The following HMCN2 variants were observed in gnomAD, a reference collection of about 807,000 sequenced individuals.
HMCN2 encodes the protein hemicentin 2.
A neutral mutation model predicts 377.5 loss-of-function variants in HMCN2; 325 were observed. The observed-to-expected ratio is 0.86, with a 90% CI of 0.79 to 0.94. The LOEUF (loss-of-function observed/expected upper bound fraction) is 0.94, where lower values mean the gene tolerates loss of function less well. Among genes scored for constraint, HMCN2 ranks in the 40% least tolerant of loss-of-function variants. The pLI is 0.00. For synonymous variants in HMCN2, 2,007 were observed against 2,046.8 expected, an observed-to-expected ratio of 0.98 and a Z score of 0.53; for missense variants, 4,543 against 4,725.3, an observed-to-expected ratio of 0.96 and a Z score of 1.13.
intron 1 of HMCN2, among the ~76,000 whole-genome samples, chr9:130,267,644 G>A (rs543225910): frequency 3.3e-5 from 5 of 152,368 alleles, no homozygotes; most frequent in Admixed American, 1.3e-4. Context: ...GGAAGACATA[G>A]TTCTACGTAG....
chr9:130,395,128 T>TGGGG lies in HMCN2; in HGVS notation c.10774+22_10774+25dup. 1 of 77,692 alleles carries TGGGG rather than the reference T, an allele frequency of 1.3e-5. No individual in the cohort carries two copies. Among genetic ancestry groups the TGGGG allele is most frequent in the Admixed American group, 3.3e-4 (1 of 3,056 alleles). The allele number at this position is 77,692 out of a possible 1,614,324, so 4.8% of individuals were successfully genotyped here. A position where few individuals can be genotyped will look rare whatever the true frequency, so the allele number is the denominator to read the frequency against. Reference sequence around the variant, plus strand: ...TTCAAGGTAGGTGGTGGGGGTGGGGTGGGGGCAGGGCCGGGAGGCAGGACG... The same window carrying TGGGG: ...TTCAAGGTAGGTGGTGGGGGTGGGGTGGGGGGGGGCAGGGCCGGGAGGCAGGACG... On this transcript the variant is annotated intron_variant, in intron 70 of 97. Coordinates refer to ENST00000683500, the MANE Select transcript of HMCN2 (RefSeq NM_001291815.2).
At chr9:130,339,611 C>T (rs1838944037) in intron 23 of HMCN2, among the ~76,000 whole-genome samples, 1 of 152,228 alleles carries the variant, frequency 6.6e-6, no homozygotes, top group African/African-American at 2.4e-5. Flanking sequence ...GCTTTGCTTT[C>T]CTCCTCTATA....
Position 130,358,447 on chromosome 9 carries a change from G to A in HMCN2, c.5638G>A (p.Ala1880Thr). The change falls in exon 36 of 98, where the codon GCT becomes ACT. Residue 1880 changes from alanine to threonine, a missense_variant. This residue lies in a region of HMCN2 where 1,032 missense variants were observed against 1,285.1 expected (regional missense o/e 0.80). Coordinates refer to ENST00000683500, the MANE Select transcript of HMCN2 (RefSeq NM_001291815.2). ...GIYTCAATNL[A>T]GESKREVALK... ...CTACACTTGTGCTGCTACCAACCTG[G>A]CTGGGGAGAGCAAGAGGGAAGTGGC... 7.7e-7 allele frequency: 1 copy of A among 1,304,372 alleles called. No individual in the cohort carries two copies. Among genetic ancestry groups the A allele is most frequent in the Non-Finnish European group, 1.0e-6 (1 of 988,960 alleles). 80.8% of individuals were successfully genotyped at this position (1,304,372 alleles called of 1,614,324 possible).
intron 15 of HMCN2, among the ~76,000 whole-genome samples, chr9:130,316,105 A>C (rs1044191317): frequency 6.6e-6 from 1 of 152,192 alleles, no homozygotes; most frequent in Non-Finnish European, 1.5e-5. Flanking sequence ...GGCAGCGTGA[A>C]AGGCAGGGAG....
intron 71 of HMCN2, 91 bp downstream of exon 71, chr9:130,395,438 C>T (rs1452391865): frequency 1.8e-6 from 2 of 1,124,156 alleles, no homozygotes; most frequent in Non-Finnish European, 2.3e-6. Flanking sequence ...AGAGCGGGTG[C>T]CAAGGGCCCG....
rs1366272987 is a variant in HMCN2, at chr9:130,348,665, A to G, written c.4145A>G (p.Asp1382Gly). 4 of 1,206,784 alleles carry G rather than the reference A, an allele frequency of 3.3e-6. No individual in the cohort carries two copies. Among genetic ancestry groups the G allele is most frequent in the Non-Finnish European group, 4.4e-6 (4 of 905,804 alleles). 74.8% of individuals were successfully genotyped at this position (1,206,784 alleles called of 1,614,324 possible). A position where few individuals can be genotyped will look rare whatever the true frequency, so the allele number is the denominator to read the frequency against. Residue 1382 changes from aspartate to glycine, a missense_variant, in exon 27 of 98, where the codon GAC becomes GGC. This residue lies in a region of HMCN2 where 1,032 missense variants were observed against 1,285.1 expected (regional missense o/e 0.80). Coordinates refer to ENST00000683500, the MANE Select transcript of HMCN2 (RefSeq NM_001291815.2). The stretch of plus-strand genomic sequence containing the variant: ...GTCCCTGAGATCGTGTGGCTGAAGG[A>G]CGCGCAGCTGGTGGGTGTCCCCCTA... ...FPVPEIVWLK[D>G]AQLIPKVGGH... is the part of the protein sequence containing the mutation.
Position 130,349,888 on chromosome 9 carries a change from CTT to C in HMCN2, c.4430+250_4430+251del, listed in dbSNP as rs760662723. 4.4e-3 allele frequency among the ~76,000 whole-genome samples: 406 copies of C among 91,280 alleles called. 2 individuals are homozygous for C. The highest frequency in any genetic ancestry group is 0.017 in the African/African-American group (374 of 22,114). 59.9% of individuals were successfully genotyped at this position (91,280 alleles called of 152,430 possible). On this transcript the variant is annotated intron_variant, in intron 29 of 97. Transcript: ENST00000683500. Reference sequence around the variant, plus strand: ...AAGTCTTCTCATCTCTTAGCCTTTCCTTTTTTTTTTTTTTTTTTTTTTTTTTG... The same window carrying C: ...AAGTCTTCTCATCTCTTAGCCTTTCCTTTTTTTTTTTTTTTTTTTTTTTTG...
Position 130,422,795 on chromosome 9 carries a change from A to C in HMCN2, c.13381+69A>C. On this transcript the variant is annotated intron_variant, in intron 87 of 97. Transcript: ENST00000683500. This position sits in a 1 kb window ranked among gnomAD's most constrained non-coding sequence, Gnocchi z 4.2. The stretch of plus-strand genomic sequence containing the variant: ...CAGCCCAGCGAGCATCCTCCAGAAC[A>C]TGCTGGACCTAGGAGGCGCAGAGCC... 8.4e-7 allele frequency: 1 copy of C among 1,192,800 alleles called. No homozygotes were observed. Among genetic ancestry groups the C allele is most frequent in the Non-Finnish European group, 1.1e-6 (1 of 943,126 alleles). 73.9% of individuals were successfully genotyped at this position (1,192,800 alleles called of 1,614,324 possible).
chr9:130,334,685 C>T (rs1838620871), intron 22 of HMCN2, among the ~76,000 whole-genome samples: 1 of 131,144 alleles, frequency 7.6e-6, no homozygotes, highest in Non-Finnish European at 1.7e-5. Flanking sequence ...GCTGCTCTTT[C>T]TTTCTCTCTT....
At chr9:130,306,001 TGG>T in intron 11 of HMCN2, 126 bp from the exon 12 acceptor site, 1 of 401,658 alleles carries the variant, frequency 2.5e-6, no homozygotes, top group Non-Finnish European at 5.3e-6. Context: ...TGAAGCCCTC[TGG>T]GGTCTTTGCT....
At chr9:130,384,910 G>C (rs1473747351) in intron 59 of HMCN2, 112 bp downstream of exon 59, 1 of 663,106 alleles carries the variant, frequency 1.5e-6, no homozygotes, top group Non-Finnish European at 2.3e-6. Flanking sequence ...ACAGGGGGAG[G>C]CTGGGACGCC....
chr9:130,408,633 C>A, intron 83 of HMCN2, 110 bp from the exon 84 acceptor site: 1 of 622,876 alleles, frequency 1.6e-6, no homozygotes, highest in South Asian at 1.8e-5. Flanking sequence ...CTAGCAGAAG[C>A]CTCTGGAGGC....
Position 130,355,862 on chromosome 9 carries a change from TG to T in HMCN2, c.5255+12del. 1 of 1,285,282 alleles carries T rather than the reference TG, an allele frequency of 7.8e-7. No homozygotes were observed. The highest frequency in any genetic ancestry group is 1.0e-6 in the Non-Finnish European group (1 of 972,420). The allele number at this position is 1,285,282 out of a possible 1,614,324, so 79.6% of individuals were successfully genotyped here. A position where few individuals can be genotyped will look rare whatever the true frequency, so the allele number is the denominator to read the frequency against. On this transcript the variant is annotated intron_variant, in intron 33 of 97. Transcript: ENST00000683500. ...CCCAGTACCCACTATCCAGTGAGTC[TG>T]GGGTGGTGGAGGCCAGGGCTGGGGG...
rs985669263 is a variant in HMCN2, at chr9:130,431,424, G to T, written c.14705G>T (p.Gly4902Val). The T allele has an allele frequency of 6.5e-7, 1 of 1,550,264 alleles. No homozygotes were observed. Among genetic ancestry groups the T allele is most frequent in the East Asian group, 2.4e-5 (1 of 40,910 alleles). ...LCQHACRNTEGSYQCLCPAGY... is the reference protein window; with the variant it reads ...LCQHACRNTEVSYQCLCPAGY... ...CAGCACGCCTGCCGCAACACTGAGGGCAGCTACCAGTGCCTGTGCCCCGCC... is the reference window on the plus strand; with the variant it reads ...CAGCACGCCTGCCGCAACACTGAGGTCAGCTACCAGTGCCTGTGCCCCGCC... The change falls in exon 96 of 98, where the codon GGC becomes GTC. Residue 4902 changes from glycine (G) to valine (V), a missense_variant. By Grantham distance (109) the Gly-to-Val change is moderately radical. Around this residue, in one of 5 missense-constraint regions of HMCN2, gnomAD observed 1,155 missense variants for 1,157.7 expected, o/e 1.00. Transcript: ENST00000683500.
At chr9:130,409,325 G>A (rs759988615) in intron 84 of HMCN2, among the ~76,000 whole-genome samples, 1 of 152,218 alleles carries the variant, frequency 6.6e-6, no homozygotes, top group Non-Finnish European at 1.5e-5. Flanking sequence ...AGTTCAGAGA[G>A]GCCCACAACC....
intron 30 of HMCN2, among the ~76,000 whole-genome samples, chr9:130,352,454 G>T (rs541501586): frequency 1.3e-5 from 2 of 152,244 alleles, no homozygotes; most frequent in Non-Finnish European, 2.9e-5. Context: ...GCTGTAACCC[G>T]GATAGAAGGA....
rs756671645 is a variant in HMCN2, at chr9:130,349,670, GC to G, written c.4430+13del. On this transcript the variant is annotated splice_region_variant and intron_variant, in intron 29 of 97. Coordinates refer to ENST00000683500, the MANE Select transcript of HMCN2 (RefSeq NM_001291815.2). ...AGTGGACCAAGGACAGGCAGTGAGTGCCCCCCTCCCCGAGGATGGCGTGTGG... is the reference window on the plus strand; with the variant it reads ...AGTGGACCAAGGACAGGCAGTGAGTGCCCCCTCCCCGAGGATGGCGTGTGG... 2.4e-5 allele frequency: 31 copies of G among 1,300,882 alleles called. No homozygotes were observed. Among genetic ancestry groups the G allele is most frequent in the South Asian group, 9.9e-5 (8 of 80,786 alleles). The allele number at this position is 1,300,882 out of a possible 1,614,324, so 80.6% of individuals were successfully genotyped here.
chr9:130,288,132 T>G (rs2131289405), intron 4 of HMCN2, among the ~76,000 whole-genome samples: 1 of 152,284 alleles, frequency 6.6e-6, no homozygotes, highest in Non-Finnish European at 1.5e-5. Context: ...GCATGGGAAC[T>G]TGGTTCCTGC....
At chr9:130,418,459 A>C (rs1446659193) in intron 85 of HMCN2, among the ~76,000 whole-genome samples, 2 of 152,106 alleles carry the variant, frequency 1.3e-5, no homozygotes, top group Non-Finnish European at 2.9e-5. Flanking sequence ...AGATGGGAGG[A>C]TCGCTTGAAC....
Sources: allele counts gnomAD v4.1 joint callset (sites outside exome capture counted in the v4.1 genomes callset), GRCh38; gene constraint gnomAD v4.1.1; regional missense constraint gnomAD v4.1.1; non-coding constraint Gnocchi (gnomAD v3.1); transcripts MANE v1.5; gene names NCBI Gene and HGNC (gene_info 2026-07-23, HGNC 2026-07-21).